GTF2IRD1: variants seen among roughly 807,000 people sequenced by gnomAD.
GTF2IRD1 encodes the protein GTF2I repeat domain containing 1.
A neutral mutation model predicts 113.2 loss-of-function variants in GTF2IRD1; 26 were observed. That is an observed-to-expected ratio of 0.23 (90% CI 0.17 to 0.32). The LOEUF (loss-of-function observed/expected upper bound fraction) is 0.32. Among genes scored for constraint, GTF2IRD1 ranks in the 10% least tolerant of loss-of-function variants. The pLI is 1.00. For synonymous variants in GTF2IRD1, 484 were observed against 529.1 expected (o/e 0.91, Z 1.17); for missense variants, 864 against 1,280.8 (o/e 0.67, Z 4.97).
intron 1 of GTF2IRD1, among the ~76,000 whole-genome samples, chr7:74,505,559 C>T (rs1189560258): frequency 1.3e-5 from 2 of 152,204 alleles, no homozygotes; most frequent in Non-Finnish European, 2.9e-5. Flanking sequence ...GAGCCTTTAC[C>T]GGAAGGAGCC....
At chr7:74,494,093 T>C (rs565207811) in intron 1 of GTF2IRD1, among the ~76,000 whole-genome samples, 1 of 152,214 alleles carries the variant, frequency 6.6e-6, no homozygotes, top group South Asian at 2.1e-4. Context: ...CAAACAACAG[T>C]CATTTCTTCT....
chr7:74,479,692 T>C (rs1554334217), intron 1 of GTF2IRD1, among the ~76,000 whole-genome samples: 1 of 151,982 alleles, frequency 6.6e-6, no homozygotes, highest in African/African-American at 2.4e-5. Context: ...TCCATGCCAC[T>C]TATTTTTATC....
chr7:74,543,886 A>AC (rs1554352433), intron 14 of GTF2IRD1, among the ~76,000 whole-genome samples: 7 of 148,392 alleles, frequency 4.7e-5, no homozygotes, highest in Admixed American at 6.9e-5. Context: ...AAAAAAAAAA[A>AC]AAAAAAAAAA....
At chr7:74,522,983 T>C (rs143220232) in intron 7 of GTF2IRD1, among the ~76,000 whole-genome samples, 1 of 152,268 alleles carries the variant, frequency 6.6e-6, no homozygotes, top group Non-Finnish European at 1.5e-5. Flanking sequence ...AGCTGAGAGT[T>C]TGGGGGAAGC....
intron 26 of GTF2IRD1, 157 bp from the exon 27 acceptor site, chr7:74,602,208 C>T: frequency 1.2e-6 from 1 of 847,208 alleles, no homozygotes. Context: ...CATCACTGCA[C>T]TCCAGCCTGG....
chr7:74,565,665 G>C (rs1399046410), intron 22 of GTF2IRD1, among the ~76,000 whole-genome samples: 1 of 151,936 alleles, frequency 6.6e-6, no homozygotes, highest in Non-Finnish European at 1.5e-5. Context: ...GAACATTCTA[G>C]TAGGTCATAA....
At chr7:74,525,957 T>C (rs1797572305) in intron 8 of GTF2IRD1, among the ~76,000 whole-genome samples, 1 of 152,192 alleles carries the variant, frequency 6.6e-6, no homozygotes. Flanking sequence ...AACAAGACTC[T>C]GGAGGCCTTA....
chr7:74,541,688 G>C (rs782456995), intron 14 of GTF2IRD1, among the ~76,000 whole-genome samples: 20 of 151,616 alleles, frequency 1.3e-4, no homozygotes, highest in Non-Finnish European at 2.4e-4. Flanking sequence ...ATCACTTGAG[G>C]TCAGAGTTCA....
chr7:74,565,528 AAAAG>A (rs149470371), intron 22 of GTF2IRD1, among the ~76,000 whole-genome samples: 11,723 of 152,054 alleles, frequency 0.077, 770 homozygotes, highest in African/African-American at 0.19. Context: ...CGGTCACAAA[AAAAG>A]AAAGAAAAAA....
chr7:74,533,946 T>C (rs1196288980), intron 9 of GTF2IRD1, among the ~76,000 whole-genome samples: 1 of 151,878 alleles, frequency 6.6e-6, no homozygotes, highest in Non-Finnish European at 1.5e-5. Flanking sequence ...GGAGGATCGC[T>C]TGAACCCAGG....
At chr7:74,534,331 G>A (rs112638656) in intron 9 of GTF2IRD1, among the ~76,000 whole-genome samples, 7 of 152,210 alleles carry the variant, frequency 4.6e-5, no homozygotes, top group African/African-American at 1.4e-4. Flanking sequence ...GCTGGGTGCC[G>A]TGGGTCACGC....
intron 6 of GTF2IRD1, among the ~76,000 whole-genome samples, chr7:74,520,832 G>A (rs1375539943): frequency 1.6e-5 from 2 of 122,822 alleles, no homozygotes; most frequent in East Asian, 2.4e-4. Flanking sequence ...GTGCTTGTAA[G>A]TTATATATAC....
intron 14 of GTF2IRD1, among the ~76,000 whole-genome samples, chr7:74,543,119 A>G (rs1253434420): frequency 6.6e-6 from 1 of 152,160 alleles, no homozygotes; most frequent in East Asian, 1.9e-4. Context: ...CCTGCCCAAC[A>G]TGGCGAAACT....
At chr7:74,588,240 T>G (rs1554368462) in intron 22 of GTF2IRD1, among the ~76,000 whole-genome samples, 1 of 151,838 alleles carries the variant, frequency 6.6e-6, no homozygotes, top group African/African-American at 2.4e-5. Flanking sequence ...CTTGAGTAGT[T>G]GGGATTACAG....
chr7:74,553,146 G>GT (rs1337232041), intron 17 of GTF2IRD1, among the ~76,000 whole-genome samples: 5 of 147,590 alleles, frequency 3.4e-5, no homozygotes, highest in South Asian at 4.4e-4. Flanking sequence ...CCTTTTGTGG[G>GT]TTTTTTTTGA....
intron 1 of GTF2IRD1, among the ~76,000 whole-genome samples, chr7:74,484,078 G>T (rs1395862524): frequency 6.6e-6 from 1 of 152,202 alleles, no homozygotes; most frequent in African/African-American, 2.4e-5. Context: ...TGGAGACTCA[G>T]TGCCCACACA....
intron 2 of GTF2IRD1, among the ~76,000 whole-genome samples, chr7:74,510,993 G>A (rs954591357): frequency 2.0e-5 from 3 of 151,688 alleles, no homozygotes; most frequent in Non-Finnish European, 1.5e-5. Flanking sequence ...AGGTTACAGT[G>A]AGCCGAGGTC....
chr7:74,463,824 G>A (rs1481423090), intron 1 of GTF2IRD1, among the ~76,000 whole-genome samples: 1 of 151,906 alleles, frequency 6.6e-6, no homozygotes, highest in African/African-American at 2.4e-5. Context: ...CCCGGGTTCA[G>A]TTGATTCTCC....
At chr7:74,531,355 C>T (rs587706119) in intron 9 of GTF2IRD1, among the ~76,000 whole-genome samples, 13 of 152,120 alleles carry the variant, frequency 8.5e-5, no homozygotes, top group Admixed American at 7.2e-4. Context: ...TGGGTGACAG[C>T]GAGAATCCAT....
Sources: allele counts gnomAD v4.1 joint callset (sites outside exome capture counted in the v4.1 genomes callset), GRCh38; gene constraint gnomAD v4.1.1; transcripts MANE v1.5; gene names NCBI Gene and HGNC (gene_info 2026-07-23, HGNC 2026-07-21).